Variants in CTNND2 observed in about 807,000 individuals in gnomAD.
The protein encoded by CTNND2 is catenin delta-2.
A neutral mutation model predicts 144.4 loss-of-function variants in CTNND2; 22 were observed. That is an observed-to-expected ratio of 0.15 (90% CI 0.11 to 0.22). The LOEUF (loss-of-function observed/expected upper bound fraction) is 0.22. Ranked by LOEUF, CTNND2 falls within the 10% of genes least tolerant of loss-of-function variation. The pLI is 1.00. For missense variants in CTNND2, 1,353 were observed against 1,618.8 expected (o/e 0.84, Z 2.82); for synonymous variants, 751 against 695.6 (o/e 1.08, Z -1.25).
At chr5:11,036,778 C>A (rs754151163) in intron 16 of CTNND2, among the ~76,000 whole-genome samples, 1 of 152,174 alleles carries the variant, frequency 6.6e-6, no homozygotes, top group Non-Finnish European at 1.5e-5. Flanking sequence ...AAAGATTTTT[C>A]TTCTTCACTT....
At chr5:11,657,941 C>T (rs1223600168) in intron 2 of CTNND2, among the ~76,000 whole-genome samples, 1 of 152,088 alleles carries the variant, frequency 6.6e-6, no homozygotes, top group Non-Finnish European at 1.5e-5. Context: ...TGCTTCTTAA[C>T]TTTATGACTT....
chr5:11,602,838 T>C (rs918968928), intron 2 of CTNND2, among the ~76,000 whole-genome samples: 134 of 148,794 alleles, frequency 9.0e-4, no homozygotes, highest in Middle Eastern at 3.5e-3. Flanking sequence ...ATCATCTGTC[T>C]GGAATACTAC....
chr5:11,291,466 G>A (rs1748345610), intron 9 of CTNND2, among the ~76,000 whole-genome samples: 1 of 152,020 alleles, frequency 6.6e-6, no homozygotes, highest in African/African-American at 2.4e-5. Context: ...CTGTGTCAAT[G>A]TCTGCCACTT....
At chr5:11,838,952 A>G (rs1311957927) in intron 1 of CTNND2, among the ~76,000 whole-genome samples, 1 of 152,218 alleles carries the variant, frequency 6.6e-6, no homozygotes, top group Non-Finnish European at 1.5e-5. Context: ...GAAGTAACCC[A>G]ACAGCTCAAT....
intron 1 of CTNND2, among the ~76,000 whole-genome samples, chr5:11,878,668 C>G (rs568104064): frequency 2.2e-4 from 33 of 152,260 alleles, no homozygotes; most frequent in African/African-American, 7.7e-4. Context: ...GGTGTCTACA[C>G]CTTTTCAGGT....
chr5:11,896,342 T>C (rs1053171752), intron 1 of CTNND2, among the ~76,000 whole-genome samples: 1 of 152,202 alleles, frequency 6.6e-6, no homozygotes, highest in Non-Finnish European at 1.5e-5. Context: ...CTGCTAAAAA[T>C]ATGGTCATTT....
At chr5:11,587,503 A>T (rs539235136) in intron 2 of CTNND2, among the ~76,000 whole-genome samples, 1 of 152,164 alleles carries the variant, frequency 6.6e-6, no homozygotes, top group South Asian at 2.1e-4. Flanking sequence ...GGCAATTAAC[A>T]TATTAAAACA....
intron 1 of CTNND2, among the ~76,000 whole-genome samples, chr5:11,734,201 G>C (rs1787550220): frequency 6.6e-6 from 1 of 152,162 alleles, no homozygotes; most frequent in South Asian, 2.1e-4. Context: ...TATGGTGTTT[G>C]GTTACTCTGG....
intron 15 of CTNND2, among the ~76,000 whole-genome samples, chr5:11,097,197 G>C (rs940625740): frequency 6.6e-6 from 1 of 152,216 alleles, no homozygotes; most frequent in Non-Finnish European, 1.5e-5. Flanking sequence ...TTGAGTCAAA[G>C]CTTCCTAGAT....
At chr5:11,864,658 G>T (rs181489777) in intron 1 of CTNND2, among the ~76,000 whole-genome samples, 2 of 152,056 alleles carry the variant, frequency 1.3e-5, no homozygotes, top group African/African-American at 4.8e-5. Flanking sequence ...TGTGTTGTAG[G>T]GGGGCTCTCC....
chr5:11,811,281 A>G (rs1371812286), intron 1 of CTNND2, among the ~76,000 whole-genome samples: 1 of 152,186 alleles, frequency 6.6e-6, no homozygotes, highest in Non-Finnish European at 1.5e-5. Context: ...AATGAAGTAC[A>G]GAGAATGTGG....
chr5:11,307,040 GC>G (rs1405736898), intron 9 of CTNND2, among the ~76,000 whole-genome samples: 1 of 151,924 alleles, frequency 6.6e-6, no homozygotes, highest in Non-Finnish European at 1.5e-5. Flanking sequence ...TTTCAGAGTG[GC>G]CCCCTGAGGT....
chr5:11,378,658 T>C (rs1243460122), intron 7 of CTNND2, among the ~76,000 whole-genome samples: 2 of 152,240 alleles, frequency 1.3e-5, no homozygotes, highest in Admixed American at 1.3e-4. Flanking sequence ...CCAGATATCA[T>C]GTTGCATTTT....
Position 11,111,010 on chromosome 5 carries a change from G to A in CTNND2, c.2311C>T (p.Leu771Phe). 6.2e-7 allele frequency: 1 copy of A among 1,614,090 alleles called. No homozygotes were observed. The highest frequency in any genetic ancestry group is 8.5e-7 in the Non-Finnish European group (1 of 1,179,992). The change falls in exon 14 of 22, where the codon CTC becomes TTC. Residue 771 changes from leucine (L) to phenylalanine (F), a missense_variant. Physicochemically the swap from Leu to Phe is conservative, Grantham distance 22. Coordinates refer to ENST00000304623, the MANE Select transcript of CTNND2 (RefSeq NM_001332.4). The part of the protein sequence containing the change: ...VENCVCILRN[L>F]SYRLAAETSQ... ...GTTTCTGCCGCCAGCCGGTACGAGA[G>A]GTTCCTTAAAATGCACACACAGTTT...
At chr5:11,000,814 T>C (rs1739877008) in intron 18 of CTNND2, among the ~76,000 whole-genome samples, 1 of 152,110 alleles carries the variant, frequency 6.6e-6, no homozygotes, top group Non-Finnish European at 1.5e-5. Flanking sequence ...AAAATAGTAA[T>C]GCCTGGGCCC....
intron 11 of CTNND2, among the ~76,000 whole-genome samples, chr5:11,181,429 C>T (rs373304759): frequency 4.2e-4 from 64 of 152,204 alleles, no homozygotes; most frequent in African/African-American, 1.5e-3. Flanking sequence ...GGTGAGATGG[C>T]GACAACCAGC....
At chr5:11,002,077 G>GA (rs1740016736) in intron 18 of CTNND2, among the ~76,000 whole-genome samples, 1 of 152,346 alleles carries the variant, frequency 6.6e-6, no homozygotes, top group Admixed American at 6.5e-5. Context: ...GGGGAATCAG[G>GA]AAACAGGATA....
chr5:11,030,171 T>C (rs2149549841), intron 16 of CTNND2, among the ~76,000 whole-genome samples: 1 of 152,306 alleles, frequency 6.6e-6, no homozygotes, highest in East Asian at 1.9e-4. Flanking sequence ...GCTTTCAAGA[T>C]TCTTTATCTA....
At chr5:11,047,433 C>T (rs1439170734) in intron 16 of CTNND2, among the ~76,000 whole-genome samples, 5 of 152,232 alleles carry the variant, frequency 3.3e-5, no homozygotes, top group East Asian at 1.9e-4. Flanking sequence ...ACACAATTAT[C>T]CACCAAGGGG....
Sources: gnomAD v4.1 joint callset for allele counts (sites outside exome capture counted in the v4.1 genomes callset) on GRCh38, gnomAD v4.1.1 for gene constraint, MANE v1.5 for transcripts, NCBI Gene and HGNC (gene_info 2026-07-23, HGNC 2026-07-21) for gene names.